SIPA1L2: variants seen among roughly 807,000 people sequenced by gnomAD.
The protein encoded by SIPA1L2 is signal-induced proliferation-associated 1-like protein 2.
A neutral mutation model predicts 163.9 loss-of-function variants in SIPA1L2; 56 were observed. That is an observed-to-expected ratio of 0.34 (90% CI 0.28 to 0.43). SIPA1L2 has a LOEUF of 0.43. SIPA1L2 is among the 20% of genes least tolerant of loss of function. The pLI is 1.00. For missense variants in SIPA1L2, 1,974 were observed against 2,193.5 expected (o/e 0.90, Z 2.00); for synonymous variants, 877 against 865.7 (o/e 1.01, Z -0.23).
intron 10 of SIPA1L2, among the ~76,000 whole-genome samples, chr1:232,458,391 G>A (rs1046266893): frequency 6.6e-6 from 1 of 152,122 alleles, no homozygotes; most frequent in Non-Finnish European, 1.5e-5. Context: ...GTTTTTGTTT[G>A]TTTTAGCTGA....
intron 11 of SIPA1L2, among the ~76,000 whole-genome samples, chr1:232,444,873 G>T (rs186090649): frequency 6.6e-6 from 1 of 152,230 alleles, no homozygotes; most frequent in East Asian, 1.9e-4. Flanking sequence ...TGGCATTACC[G>T]TGCCTACATG....
chr1:232,420,372 G>C (rs1413104665), intron 18 of SIPA1L2, among the ~76,000 whole-genome samples: 4 of 152,142 alleles, frequency 2.6e-5, no homozygotes, highest in African/African-American at 9.7e-5. Flanking sequence ...GAAGGAGCAA[G>C]AGCAATTGAT....
chr1:232,568,892 T>C (rs1341813026), intron 2 of SIPA1L2, among the ~76,000 whole-genome samples: 2 of 152,220 alleles, frequency 1.3e-5, no homozygotes, highest in African/African-American at 4.8e-5. Flanking sequence ...ATTCTCCCAG[T>C]ATTTTATCAT....
intron 1 of SIPA1L2, among the ~76,000 whole-genome samples, chr1:232,615,981 C>T (rs1388804059): frequency 2.6e-5 from 4 of 152,212 alleles, no homozygotes; most frequent in African/African-American, 7.2e-5. Flanking sequence ...CAGCTTTTCT[C>T]GATAAATCCT....
At chr1:232,466,651 C>T (rs537986235) in intron 8 of SIPA1L2, among the ~76,000 whole-genome samples, 3 of 152,076 alleles carry the variant, frequency 2.0e-5, no homozygotes, top group African/African-American at 7.2e-5. Context: ...ATTAGCCGGG[C>T]GTGGTGGCGG....
chr1:232,421,330 C>T (rs1661564380), intron 18 of SIPA1L2, among the ~76,000 whole-genome samples: 1 of 152,210 alleles, frequency 6.6e-6, no homozygotes, highest in Non-Finnish European at 1.5e-5. Flanking sequence ...GCTCAAGCGA[C>T]ATTGATCTTG....
intron 18 of SIPA1L2, among the ~76,000 whole-genome samples, chr1:232,418,571 C>G (rs549478754): frequency 2.6e-5 from 4 of 152,342 alleles, no homozygotes; most frequent in South Asian, 2.1e-4. Flanking sequence ...CCTGCTACCC[C>G]CTACGCAATG....
At chr1:232,549,720 G>A (rs917336361) in intron 2 of SIPA1L2, among the ~76,000 whole-genome samples, 23 of 152,146 alleles carry the variant, frequency 1.5e-4, no homozygotes, top group African/African-American at 5.6e-4. Context: ...GAAAAACTAA[G>A]CTTTTTCTGA....
At chr1:232,535,351 T>A (rs1335599180) in intron 2 of SIPA1L2, among the ~76,000 whole-genome samples, 2 of 152,200 alleles carry the variant, frequency 1.3e-5, no homozygotes, top group African/African-American at 4.8e-5. Flanking sequence ...AATCAACATT[T>A]CCATTATAAA....
chr1:232,423,217 G>A (rs1203225705), intron 18 of SIPA1L2, among the ~76,000 whole-genome samples: 2 of 152,302 alleles, frequency 1.3e-5, no homozygotes, highest in Admixed American at 1.3e-4. Context: ...GCTAGGAAAT[G>A]CTATGATGTT....
chr1:232,607,649 G>C (rs1019918553), intron 1 of SIPA1L2, among the ~76,000 whole-genome samples: 2 of 151,760 alleles, frequency 1.3e-5, no homozygotes, highest in Admixed American at 1.3e-4. Context: ...TAATCTTTCC[G>C]CCAGTGCCAT....
intron 1 of SIPA1L2, among the ~76,000 whole-genome samples, chr1:232,597,470 G>A (rs1013132446): frequency 6.7e-6 from 1 of 150,218 alleles, no homozygotes; most frequent in Non-Finnish European, 1.5e-5. Flanking sequence ...AAGGTCAGGA[G>A]ATCGAGACCA....
chr1:232,532,342 T>C (rs1657016203), intron 2 of SIPA1L2, among the ~76,000 whole-genome samples: 1 of 152,116 alleles, frequency 6.6e-6, no homozygotes, highest in South Asian at 2.1e-4. Flanking sequence ...ATAGAGAAGA[T>C]TGTAGAAGGG....
chr1:232,548,328 CT>C (rs1158949391), intron 2 of SIPA1L2, among the ~76,000 whole-genome samples: 2 of 152,198 alleles, frequency 1.3e-5, no homozygotes, highest in African/African-American at 4.8e-5. Flanking sequence ...GCCACCCTGA[CT>C]CCCTAGGGGA....
At chr1:232,460,015 A>G (rs1664144746) in intron 10 of SIPA1L2, among the ~76,000 whole-genome samples, 1 of 152,212 alleles carries the variant, frequency 6.6e-6, no homozygotes, top group South Asian at 2.1e-4. Context: ...CTGGATTCCA[A>G]GCATACTTTG....
At chr1:232,400,602 C>T (rs2102732796) in intron 22 of SIPA1L2, among the ~76,000 whole-genome samples, 1 of 152,244 alleles carries the variant, frequency 6.6e-6, no homozygotes, top group East Asian at 1.9e-4. Flanking sequence ...AGACCTGCTA[C>T]CCCTCCTGGC....
At chr1:232,467,859 C>T (rs1664602937) in intron 8 of SIPA1L2, among the ~76,000 whole-genome samples, 1 of 152,154 alleles carries the variant, frequency 6.6e-6, no homozygotes, top group Non-Finnish European at 1.5e-5. Flanking sequence ...TAAATATGCT[C>T]CACTGTGGTG....
At position 232,514,014 on chromosome 1, in the gene SIPA1L2, G is replaced by A. The variant is rs763046050; in HGVS notation, c.1326C>T (p.Phe442=). Residue 442 remains phenylalanine, a synonymous_variant, in exon 3 of 23, where the codon TTC becomes TTT. Transcript: ENST00000674635. The part of the protein sequence containing the change: ...SSFSSGESCS[F]ESSLSSHCTN... Reference sequence around the variant, plus strand: ...TGCAGTGAGAGCTGAGTGACGATTCGAAAGAGCAGCTTTCCCCAGAACTGA... The same window carrying A: ...TGCAGTGAGAGCTGAGTGACGATTCAAAAGAGCAGCTTTCCCCAGAACTGA... 13 of 1,614,078 alleles carry A rather than the reference G, an allele frequency of 8.1e-6. No homozygotes were observed. The highest frequency in any genetic ancestry group is 4.5e-5 in the East Asian group (2 of 44,890).
rs556401900 is a variant in SIPA1L2 at position 232,519,980 on chromosome 1, C to T, written c.-269-4372G>A. On this transcript the variant is annotated intron_variant, in intron 2 of 22. Coordinates refer to ENST00000674635, the MANE Select transcript of SIPA1L2 (RefSeq NM_020808.5). ...AACTTTATAAAGATGACAGACTAAT[C>T]TTCTATATGAGGCCTGTGACCTTGT... 4.2e-3 allele frequency among the ~76,000 whole-genome samples: 632 copies of T among 152,196 alleles called. 8 individuals are homozygous for T. The highest frequency in any genetic ancestry group is 0.015 in the African/African-American group (609 of 41,528).
Sources: allele counts gnomAD v4.1 joint callset (sites outside exome capture counted in the v4.1 genomes callset), GRCh38; gene constraint gnomAD v4.1.1; transcripts MANE v1.5; gene names NCBI Gene and HGNC (gene_info 2026-07-23, HGNC 2026-07-21).